Variants in LRMDA observed in about 807,000 individuals in gnomAD.
The protein encoded by LRMDA is leucine rich melanocyte differentiation associated, also known as leucine-rich melanocyte differentiation-associated protein.
LRMDA carries 18 observed loss-of-function variants against 29.8 expected under a neutral mutation model. The observed-to-expected ratio is 0.60, with a 90% CI of 0.42 to 0.90. The LOEUF (loss-of-function observed/expected upper bound fraction) is 0.90, where lower values mean the gene tolerates loss of function less well. LRMDA is among the 40% of genes least tolerant of loss of function. The probability of loss-of-function intolerance (pLI) is 0.00; values close to 1 mark genes in which losing one functional copy is unlikely to be tolerated. For synonymous variants in LRMDA, 125 were observed against 109.4 expected, an observed-to-expected ratio of 1.14 and a Z score of -0.89; for missense variants, 273 against 273.9, an observed-to-expected ratio of 1.00 and a Z score of 0.02.
chr10:75,800,140 G>A (rs1300778096), intron 2 of LRMDA, among the ~76,000 whole-genome samples: 1 of 151,734 alleles, frequency 6.6e-6, no homozygotes, highest in Admixed American at 6.6e-5. Context: ...TCTAGTTTTT[G>A]TGTCATCTGT....
chr10:76,231,939 AG>A (rs1182805878), intron 5 of LRMDA, among the ~76,000 whole-genome samples: 6 of 152,348 alleles, frequency 3.9e-5, no homozygotes, highest in African/African-American at 1.4e-4. Context: ...CAGAGCAAAG[AG>A]AATTCTAAAG....
chr10:75,728,479 G>A (rs1413443612), intron 2 of LRMDA, among the ~76,000 whole-genome samples: 2 of 147,220 alleles, frequency 1.4e-5, no homozygotes, highest in Non-Finnish European at 1.5e-5. Flanking sequence ...TGTATGAAAG[G>A]TGCATATACA....
intron 2 of LRMDA, among the ~76,000 whole-genome samples, chr10:75,530,139 A>G (rs375326601): frequency 1.3e-5 from 2 of 151,464 alleles, no homozygotes; most frequent in East Asian, 3.9e-4. Context: ...AAAACTTTGT[A>G]AAAAAAATAA....
chr10:76,387,549 G>A (rs143959748), intron 6 of LRMDA, among the ~76,000 whole-genome samples: 2 of 151,868 alleles, frequency 1.3e-5, no homozygotes, highest in Non-Finnish European at 2.9e-5. Context: ...GCTGCAGCGA[G>A]GTATGATCAT....
chr10:76,177,951 G>A (rs1850971270), intron 5 of LRMDA, among the ~76,000 whole-genome samples: 1 of 152,184 alleles, frequency 6.6e-6, no homozygotes, highest in Admixed American at 6.5e-5. Context: ...CCCCAGATTG[G>A]CATTCCACTA....
At chr10:76,246,854 A>G (rs1852387172) in intron 5 of LRMDA, among the ~76,000 whole-genome samples, 1 of 152,182 alleles carries the variant, frequency 6.6e-6, no homozygotes, top group South Asian at 2.1e-4. Context: ...CTGCATAACA[A>G]AGATGGGTGC....
intron 2 of LRMDA, among the ~76,000 whole-genome samples, chr10:75,895,773 C>T (rs756927408): frequency 1.3e-4 from 20 of 152,078 alleles, no homozygotes; most frequent in Non-Finnish European, 1.2e-4. Flanking sequence ...CTGAAATAAG[C>T]GGGTTTATGT....
intron 2 of LRMDA, among the ~76,000 whole-genome samples, chr10:75,828,253 A>G (rs1844279791): frequency 6.6e-6 from 1 of 152,176 alleles, no homozygotes; most frequent in Non-Finnish European, 1.5e-5. Context: ...AAGCTAAGAA[A>G]TATCTTTTTG....
chr10:76,157,515 G>A (rs1393356815), intron 5 of LRMDA, among the ~76,000 whole-genome samples: 1 of 152,062 alleles, frequency 6.6e-6, no homozygotes, highest in African/African-American at 2.4e-5. Context: ...TCAGAGGGCT[G>A]AGGCAGGAAG....
At chr10:76,282,762 G>T (rs1438469338) in intron 5 of LRMDA, among the ~76,000 whole-genome samples, 2 of 152,020 alleles carry the variant, frequency 1.3e-5, no homozygotes, top group African/African-American at 4.8e-5. Context: ...ACCTTCACAA[G>T]TCCTTTCCTG....
intron 5 of LRMDA, among the ~76,000 whole-genome samples, chr10:76,249,232 CG>C (rs1410122966): frequency 7.9e-5 from 12 of 152,294 alleles, no homozygotes; most frequent in African/African-American, 2.6e-4. Flanking sequence ...CTTTCCTCAC[CG>C]ACTTTCTTGG....
intron 6 of LRMDA, among the ~76,000 whole-genome samples, chr10:76,448,329 G>A (rs1239578812): frequency 6.6e-6 from 1 of 152,002 alleles, no homozygotes; most frequent in Non-Finnish European, 1.5e-5. Flanking sequence ...CCAACATATG[G>A]AGGTACTATA....
intron 6 of LRMDA, among the ~76,000 whole-genome samples, chr10:76,483,173 A>G (rs1015291502): frequency 6.6e-6 from 1 of 151,840 alleles, no homozygotes; most frequent in Non-Finnish European, 1.5e-5. Flanking sequence ...CATTCCCTTA[A>G]TGGTGTATTT....
rs140875355 is a variant in LRMDA at position 76,444,506 on chromosome 10, C to T, written c.602-112703C>T. Among the ~76,000 whole-genome samples, 446 of 152,336 alleles carry T rather than the reference C, an allele frequency of 2.9e-3. 2 individuals carry two copies. Among genetic ancestry groups the T allele is most frequent in the African/African-American group, 9.6e-3 (401 of 41,578 alleles). On this transcript the variant is annotated intron_variant, in intron 6 of 6. Coordinates refer to ENST00000611255, the MANE Select transcript of LRMDA (RefSeq NM_001305581.2). ...TCTCAATTTTATTTTAAAAGTGCAT[C>T]AGTAACTTGTAGCTCATTTGATGGC...
chr10:75,777,236 T>C (rs1247687867), intron 2 of LRMDA, among the ~76,000 whole-genome samples: 1 of 152,176 alleles, frequency 6.6e-6, no homozygotes, highest in Non-Finnish European at 1.5e-5. Context: ...GATGTGAAGC[T>C]CAAAGCAGAC....
chr10:76,459,423 G>A (rs1842490173), intron 6 of LRMDA, among the ~76,000 whole-genome samples: 2 of 152,120 alleles, frequency 1.3e-5, no homozygotes, highest in Admixed American at 1.3e-4. Flanking sequence ...ACACCTCATG[G>A]AGCAATCCAA....
intron 2 of LRMDA, among the ~76,000 whole-genome samples, chr10:75,725,974 C>G (rs1017779194): frequency 6.6e-6 from 1 of 152,126 alleles, no homozygotes; most frequent in East Asian, 1.9e-4. Context: ...GCCCTATCCC[C>G]TAGGGAGTGG....
chr10:75,722,898 T>C lies in LRMDA; in HGVS notation c.131+284404T>C, dbSNP rs1269264726. On this transcript the variant is annotated intron_variant, in intron 2 of 6. Coordinates refer to ENST00000611255, the MANE Select transcript of LRMDA (RefSeq NM_001305581.2). Reference sequence around the variant, plus strand: ...TCATATTTCTTTTCATTAACTTATATAGCCTGGGAGGTCAACTTTGGTCAT... The same window carrying C: ...TCATATTTCTTTTCATTAACTTATACAGCCTGGGAGGTCAACTTTGGTCAT... Among the ~76,000 whole-genome samples the C allele has an allele frequency of 7.9e-5, 12 of 152,318 alleles. No homozygotes were observed. The East Asian group carries it at 2.3e-3, about 29-fold the overall frequency.
intron 5 of LRMDA, among the ~76,000 whole-genome samples, chr10:76,195,303 T>C (rs543699788): frequency 9.2e-5 from 14 of 152,356 alleles, no homozygotes; most frequent in Middle Eastern, 3.4e-3. Context: ...GCAACTCTTC[T>C]TGACCTTGTA....
Sources: allele counts gnomAD v4.1 joint callset (sites outside exome capture counted in the v4.1 genomes callset), GRCh38; gene constraint gnomAD v4.1.1; transcripts MANE v1.5; gene names NCBI Gene and HGNC (gene_info 2026-07-23, HGNC 2026-07-21).